NUSAP1: variants seen among roughly 807,000 people sequenced by gnomAD.
The protein encoded by NUSAP1 is nucleolar and spindle associated protein 1.
Under a neutral mutation model 52.8 loss-of-function variants are expected in NUSAP1, and 32 were observed. The observed-to-expected ratio is 0.61, with a 90% CI of 0.46 to 0.81. The LOEUF (loss-of-function observed/expected upper bound fraction) is 0.81. Among genes scored for constraint, NUSAP1 ranks in the 40% least tolerant of loss-of-function variants. The pLI is 0.00. For missense variants in NUSAP1, 499 were observed against 522.3 expected (o/e 0.96, Z 0.43); for synonymous variants, 195 against 183.1 (o/e 1.06, Z -0.52).
chr15:41,365,446 A>C lies in NUSAP1; in HGVS notation c.705A>C (p.Pro235=). ...NKGGVRTPVP[P]RGRLSVASTP... is the part of the protein sequence containing the mutation. ...GAGGGGTCAGGACTCCAGTACCTCC[A>C]AGAGGAAGACTCTCTGTGGCTTCTA... Residue 235 remains proline (P), a synonymous_variant, in exon 7 of 11, where the codon CCA becomes CCC. Coordinates refer to ENST00000559596, the MANE Select transcript of NUSAP1 (RefSeq NM_016359.5). 1 of 1,613,112 alleles carries C rather than the reference A, an allele frequency of 6.2e-7. No homozygotes were observed. The highest frequency in any genetic ancestry group is 8.5e-7 in the Non-Finnish European group (1 of 1,179,506).
At chr15:41,356,543 T>C (rs1174950635) in intron 5 of NUSAP1, among the ~76,000 whole-genome samples, 1 of 151,840 alleles carries the variant, frequency 6.6e-6, no homozygotes, top group Non-Finnish European at 1.5e-5. Flanking sequence ...TCAGAACAGA[T>C]GGGGTTTCAC....
intron 1 of NUSAP1, among the ~76,000 whole-genome samples, chr15:41,336,648 G>GTGTTTTTTTTTTTTTT (rs1555426223): frequency 3.3e-5 from 3 of 91,372 alleles, no homozygotes; most frequent in African/African-American, 1.2e-4. Flanking sequence ...CCTCCTTTTG[G>GTGTTTTTTTTTTTTTT]TTTTTTTTTT....
At chr15:41,333,101 C>A in intron 1 of NUSAP1, 51 bp downstream of exon 1, 1 of 1,418,578 alleles carries the variant, frequency 7.0e-7, no homozygotes, top group Non-Finnish European at 9.8e-7. Context: ...GGAATAGCGG[C>A]CTCGGGGAGA....
At chr15:41,334,057 T>A (rs189442402) in intron 1 of NUSAP1, among the ~76,000 whole-genome samples, 9 of 152,388 alleles carry the variant, frequency 5.9e-5, no homozygotes, top group Admixed American at 6.5e-5. Context: ...TCCTGCAGGC[T>A]GTGATACTGA....
rs560491438 is a variant in NUSAP1, at chr15:41,344,898, G to A, written c.162+2444G>A. Among the ~76,000 whole-genome samples the A allele has an allele frequency of 3.4e-4, 51 of 152,190 alleles. 1 individual carries two copies. The South Asian group carries it at 9.1e-3, about 27-fold the overall frequency. ...AGATGTCGCAGTGAGCCAAGATTAC[G>A]CCGCTGCATTCCAGCCTAGGCAACA... On this transcript the variant is annotated intron_variant, in intron 2 of 10. Coordinates refer to ENST00000559596, the MANE Select transcript of NUSAP1 (RefSeq NM_016359.5).
At chr15:41,367,335 A>T (rs760399474) in intron 7 of NUSAP1, among the ~76,000 whole-genome samples, 21 of 152,142 alleles carry the variant, frequency 1.4e-4, no homozygotes, top group Non-Finnish European at 2.2e-4. Flanking sequence ...CAGGGAGGGC[A>T]TGTGGCAGTT....
At chr15:41,344,956 A>G (rs2048506894) in intron 2 of NUSAP1, among the ~76,000 whole-genome samples, 1 of 152,142 alleles carries the variant, frequency 6.6e-6, no homozygotes, top group East Asian at 1.9e-4. Context: ...AAAAGAAAAA[A>G]AAACCACCGC....
Position 41,365,396 on chromosome 15 carries a change from C to T in NUSAP1, c.661-6C>T. 2 of 1,597,500 alleles carry T rather than the reference C, an allele frequency of 1.3e-6. No individual in the cohort carries two copies. The highest frequency in any genetic ancestry group is 1.7e-6 in the Non-Finnish European group (2 of 1,169,770). On this transcript the variant is annotated splice_region_variant and splice_polypyrimidine_tract_variant and intron_variant, in intron 6 of 10. Transcript: ENST00000559596. ...AAGCTTTTAAAATGATGCATTTTCT[C>T]TTCAGCAGCAGCCCATCAATAAGGG...
At chr15:41,370,556 G>A (rs1360539276) in intron 7 of NUSAP1, among the ~76,000 whole-genome samples, 2 of 151,802 alleles carry the variant, frequency 1.3e-5, no homozygotes, top group African/African-American at 4.8e-5. Flanking sequence ...TTTGAGACCA[G>A]CCTGACCAAC....
chr15:41,333,273 C>T (rs951991253), intron 1 of NUSAP1, among the ~76,000 whole-genome samples: 1 of 152,200 alleles, frequency 6.6e-6, no homozygotes, highest in South Asian at 2.1e-4. Flanking sequence ...TGGGTGCTCA[C>T]ATGATAAGCT....
At chr15:41,354,441 G>T (rs528441172) in intron 4 of NUSAP1, among the ~76,000 whole-genome samples, 12 of 152,134 alleles carry the variant, frequency 7.9e-5, no homozygotes, top group African/African-American at 2.6e-4. Context: ...GGAGGCAGAG[G>T]TTGCAGTGAG....
chr15:41,341,359 C>A (rs1485674812), intron 1 of NUSAP1, among the ~76,000 whole-genome samples: 2 of 152,088 alleles, frequency 1.3e-5, no homozygotes, highest in Non-Finnish European at 2.9e-5. Flanking sequence ...CCACCCCGCT[C>A]AACCAAACTT....
At chr15:41,355,308 G>A (rs987471825) in intron 4 of NUSAP1, among the ~76,000 whole-genome samples, 3 of 151,756 alleles carry the variant, frequency 2.0e-5, no homozygotes, top group Non-Finnish European at 4.4e-5. Flanking sequence ...GAGTAGCTGG[G>A]ATTACAGGCA....
In NUSAP1 at chr15:41,380,221, C is replaced by A; in HGVS notation, c.*35C>A. On this transcript the variant is annotated 3_prime_UTR_variant, in exon 11 of 11. Coordinates refer to ENST00000559596, the MANE Select transcript of NUSAP1 (RefSeq NM_016359.5). ...AACATCTTGTAAATATTCCTGTATT[C>A]TCAACTTTTTTCCTTTTGTAAATTT... The A allele has an allele frequency of 7.0e-7, 1 of 1,437,664 alleles. No individual in the cohort carries two copies. The highest frequency in any genetic ancestry group is 1.3e-5 in the South Asian group (1 of 76,134). The allele number at this position is 1,437,664 out of a possible 1,614,324, so 89.1% of individuals were successfully genotyped here.
chr15:41,361,533 C>T (rs2049179178), intron 6 of NUSAP1, among the ~76,000 whole-genome samples: 1 of 151,860 alleles, frequency 6.6e-6, no homozygotes, highest in Non-Finnish European at 1.5e-5. Flanking sequence ...CCAACCTGGG[C>T]AATACAGTGA....
At chr15:41,350,914 T>C in intron 3 of NUSAP1, 74 bp from the exon 4 acceptor site, 1 of 1,337,212 alleles carries the variant, frequency 7.5e-7, no homozygotes, top group South Asian at 1.4e-5. Context: ...TCCCCCTCAC[T>C]TTGGTACTTA....
chr15:41,379,876 A>G (rs969050827), intron 10 of NUSAP1, among the ~76,000 whole-genome samples: 4 of 152,154 alleles, frequency 2.6e-5, no homozygotes, highest in Non-Finnish European at 5.9e-5. Context: ...GTGCTGAGTT[A>G]ACAAAAGGAA....
intron 1 of NUSAP1, among the ~76,000 whole-genome samples, chr15:41,340,476 C>A (rs2048331949): frequency 6.6e-6 from 1 of 152,164 alleles, no homozygotes; most frequent in Non-Finnish European, 1.5e-5. Context: ...TAATTAATCA[C>A]TCTCTAGTGT....
At chr15:41,342,689 T>C (rs2048408551) in intron 2 of NUSAP1, among the ~76,000 whole-genome samples, 1 of 152,008 alleles carries the variant, frequency 6.6e-6, no homozygotes, top group Non-Finnish European at 1.5e-5. Context: ...AATACAAAAA[T>C]TAGCCAGATG....
Sources: gnomAD v4.1 joint callset for allele counts (sites outside exome capture counted in the v4.1 genomes callset) on GRCh38, gnomAD v4.1.1 for gene constraint, MANE v1.5 for transcripts, NCBI Gene and HGNC (gene_info 2026-07-23, HGNC 2026-07-21) for gene names.